TMEFF2: variants seen among roughly 807,000 people sequenced by gnomAD.
The protein encoded by TMEFF2 is transmembrane protein with EGF like and two follistatin like domains 2.
A neutral mutation model predicts 53.8 loss-of-function variants in TMEFF2; 28 were observed. That is an observed-to-expected ratio of 0.52 (90% confidence interval 0.39 to 0.71). The LOEUF (loss-of-function observed/expected upper bound fraction) is 0.71. Among genes scored for constraint, TMEFF2 ranks in the 30% least tolerant of loss-of-function variants. TMEFF2 has a pLI of 0.00. For missense variants in TMEFF2, 353 were observed against 455.2 expected (o/e 0.78, Z 2.04); for synonymous variants, 162 against 166.3 (o/e 0.97, Z 0.20).
intron 4 of TMEFF2, among the ~76,000 whole-genome samples, chr2:192,140,322 T>A (rs1382626317): frequency 6.6e-6 from 1 of 152,200 alleles, no homozygotes; most frequent in Non-Finnish European, 1.5e-5. Context: ...GTCCTTATGG[T>A]GCCTGGCAGA....
At chr2:191,955,524 ATTTTTTTTTTT>A (rs71405028) in intron 8 of TMEFF2, among the ~76,000 whole-genome samples, 4 of 60,292 alleles carry the variant, frequency 6.6e-5, no homozygotes, top group Non-Finnish European at 1.2e-4. Flanking sequence ...CTAATTCTTA[ATTTTTTTTTTT>A]TTTTTTTTTT....
chr2:192,059,286 C>T (rs1687988369), intron 4 of TMEFF2, among the ~76,000 whole-genome samples: 1 of 151,236 alleles, frequency 6.6e-6, no homozygotes. Context: ...AAAAAGGTGT[C>T]CTCCCCAAAA....
At chr2:191,997,250 A>G (rs1478856748) in intron 7 of TMEFF2, among the ~76,000 whole-genome samples, 1 of 151,910 alleles carries the variant, frequency 6.6e-6, no homozygotes, top group African/African-American at 2.4e-5. Flanking sequence ...CATATTGAAA[A>G]ACATTAAGAT....
chr2:192,114,064 TTGTGTGTGTGTGTGTGTGTG>T (rs34553641), intron 4 of TMEFF2, among the ~76,000 whole-genome samples: 77 of 143,168 alleles, frequency 5.4e-4, no homozygotes, highest in South Asian at 9.2e-4. Flanking sequence ...AATCTGGAAA[TTGTGTGTGTGTGTGTGTGTG>T]TGTGTGTGTG....
At chr2:192,117,182 C>T (rs1689433609) in intron 4 of TMEFF2, among the ~76,000 whole-genome samples, 1 of 152,054 alleles carries the variant, frequency 6.6e-6, no homozygotes, top group Non-Finnish European at 1.5e-5. Flanking sequence ...AGAAATCTTC[C>T]AAAAGCACAG....
intron 4 of TMEFF2, among the ~76,000 whole-genome samples, chr2:192,103,266 C>T (rs1689074923): frequency 6.6e-6 from 1 of 152,228 alleles, no homozygotes; most frequent in Non-Finnish European, 1.5e-5. Context: ...CAATTGCTGT[C>T]GTATTTCCTT....
intron 2 of TMEFF2, among the ~76,000 whole-genome samples, chr2:192,184,848 A>C (rs914052424): frequency 6.6e-6 from 1 of 152,098 alleles, no homozygotes; most frequent in African/African-American, 2.4e-5. Flanking sequence ...ATACAGTTTA[A>C]TTTCAAGCTA....
intron 4 of TMEFF2, among the ~76,000 whole-genome samples, chr2:192,071,692 C>A (rs1166174269): frequency 2.0e-5 from 3 of 151,858 alleles, no homozygotes; most frequent in Non-Finnish European, 2.9e-5. Context: ...TACTTTAAAT[C>A]ATCTCTGTGC....
intron 5 of TMEFF2, chr2:192,029,191 A>G (rs1002075671): frequency 6.6e-6 from 1 of 152,052 alleles, no homozygotes; most frequent in Non-Finnish European, 1.5e-5. Context: ...AATTTCAGCC[A>G]TTTTGTCAAG....
chr2:191,977,448 A>G (rs1266775502), intron 7 of TMEFF2, among the ~76,000 whole-genome samples: 1 of 152,206 alleles, frequency 6.6e-6, no homozygotes, highest in African/African-American at 2.4e-5. Context: ...GTATTCAGTA[A>G]TGAATTTTTT....
Position 192,142,069 on chromosome 2 carries a change from A to G in TMEFF2, c.439+37599T>C, listed in dbSNP as rs922223280. Among the ~76,000 whole-genome samples, 3 of 152,312 alleles carry G rather than the reference A, an allele frequency of 2.0e-5. No individual in the cohort carries two copies. The South Asian group carries it at 6.2e-4, about 32-fold the overall frequency. On this transcript the variant is annotated intron_variant, in intron 4 of 9. Transcript: ENST00000272771. ...AAAATAATCCATTAGAATATTTTTT[A>G]AAGACCCTCTTTGGGAAGTCAAAGA...
At chr2:192,162,619 C>T (rs1014842920) in intron 4 of TMEFF2, among the ~76,000 whole-genome samples, 1 of 152,124 alleles carries the variant, frequency 6.6e-6, no homozygotes, top group East Asian at 1.9e-4. Flanking sequence ...ATGAGCGCCC[C>T]CTACTGGTAC....
intron 5 of TMEFF2, chr2:192,028,970 C>A (rs1169314795): frequency 6.6e-6 from 1 of 152,068 alleles, no homozygotes; most frequent in Non-Finnish European, 1.5e-5. Context: ...AAAGAAAAAA[C>A]CCTTTAAGGG....
Position 191,949,997 on chromosome 2 carries a change from C to T in TMEFF2, c.*314G>A, listed in dbSNP as rs567022547. 57 of 1,107,090 alleles carry T rather than the reference C, an allele frequency of 5.1e-5. No individual in the cohort carries two copies. Among genetic ancestry groups the T allele is most frequent in the African/African-American group, 9.9e-5 (6 of 60,386 alleles). 68.6% of individuals were successfully genotyped at this position (1,107,090 alleles called of 1,614,324 possible). On this transcript the variant is annotated 3_prime_UTR_variant, in exon 10 of 10. Transcript: ENST00000272771. ...GATTATATTTACAGTTATGAGATACCGCAAATTTAAGAATGCCAATTTTTT... is the reference window on the plus strand; with the variant it reads ...GATTATATTTACAGTTATGAGATACTGCAAATTTAAGAATGCCAATTTTTT...
chr2:192,126,453 T>C (rs13026328), intron 4 of TMEFF2, among the ~76,000 whole-genome samples: 22,368 of 152,204 alleles, frequency 0.15, 2,377 homozygotes, highest in African/African-American at 0.28. Flanking sequence ...AAAGATATTG[T>C]ATGATATATG....
chr2:192,042,345 C>T (rs1458797024), intron 5 of TMEFF2, among the ~76,000 whole-genome samples: 2 of 152,112 alleles, frequency 1.3e-5, no homozygotes, highest in Admixed American at 1.3e-4. Flanking sequence ...GCTTGCTTCA[C>T]GTGGTGTTGT....
intron 4 of TMEFF2, among the ~76,000 whole-genome samples, chr2:192,132,544 T>C (rs1689868738): frequency 6.6e-6 from 1 of 152,100 alleles, no homozygotes; most frequent in African/African-American, 2.4e-5. Context: ...TAACCTCACC[T>C]TCAAGGTGTA....
At chr2:192,080,239 C>A (rs1688520923) in intron 4 of TMEFF2, among the ~76,000 whole-genome samples, 1 of 152,144 alleles carries the variant, frequency 6.6e-6, no homozygotes, top group African/African-American at 2.4e-5. Context: ...AAATTGTAAT[C>A]CCCATAATCC....
intron 5 of TMEFF2, among the ~76,000 whole-genome samples, chr2:192,053,595 TTTAG>T (rs1435897026): frequency 3.3e-5 from 5 of 152,186 alleles, no homozygotes; most frequent in South Asian, 2.1e-4. Context: ...AAAATTATAG[TTTAG>T]TTAGTGTTAA....
Sources: allele counts gnomAD v4.1 joint callset (sites outside exome capture counted in the v4.1 genomes callset), GRCh38; gene constraint gnomAD v4.1.1; transcripts MANE v1.5; gene names NCBI Gene and HGNC (gene_info 2026-07-23, HGNC 2026-07-21).